The following ARB2A variants were observed in gnomAD, a reference collection of about 807,000 sequenced individuals.
The protein encoded by ARB2A is ARB2 cotranscriptional regulator A.
chr5:93,645,503 G>C, the ARB2A span, among the ~76,000 whole-genome samples: 2 of 151,794 alleles, frequency 1.3e-5, no homozygotes, highest in Non-Finnish European at 2.9e-5. Flanking sequence ...GAACCCAGGA[G>C]GTGGAGGTTG....
chr5:93,874,597 T>C, the ARB2A span, among the ~76,000 whole-genome samples: 4 of 152,146 alleles, frequency 2.6e-5, no homozygotes, highest in Admixed American at 2.6e-4. Flanking sequence ...TAAACATAAG[T>C]ATTTTCCTGA....
the ARB2A span, among the ~76,000 whole-genome samples, chr5:93,851,478 G>A: frequency 1.3e-5 from 2 of 152,090 alleles, no homozygotes; most frequent in African/African-American, 2.4e-5. Context: ...TATACTTTAA[G>A]TTTTAGGGTA....
At chr5:93,754,941 A>T in the ARB2A span, among the ~76,000 whole-genome samples, 4 of 152,224 alleles carry the variant, frequency 2.6e-5, no homozygotes, top group East Asian at 7.7e-4. Context: ...CAGAGAACAT[A>T]GGAAAGCCTA....
the ARB2A span, among the ~76,000 whole-genome samples, chr5:93,858,905 A>G: frequency 1.3e-5 from 2 of 152,220 alleles, no homozygotes; most frequent in Admixed American, 6.5e-5. Flanking sequence ...ACTTGTTGGT[A>G]GTGGCAGTAT....
the ARB2A span, among the ~76,000 whole-genome samples, chr5:93,937,772 A>C: frequency 8.5e-4 from 129 of 152,218 alleles, no homozygotes; most frequent in African/African-American, 3.1e-3. Context: ...GCCTTATATA[A>C]AATGGTGTAG....
At chr5:93,735,794 T>C in the ARB2A span, 1 of 152,058 alleles carries the variant, frequency 6.6e-6, no homozygotes, top group Non-Finnish European at 1.5e-5. Context: ...AGAAAAAGCA[T>C]ACATTTGTTA....
At chr5:93,620,979 C>T in the ARB2A span, 1 of 1,600,820 alleles carries the variant, frequency 6.2e-7, no homozygotes, top group Non-Finnish European at 8.5e-7. Flanking sequence ...CCGTCGCGCT[C>T]GCTCCTCTTA....
At chr5:93,796,638 C>T in the ARB2A span, among the ~76,000 whole-genome samples, 1 of 152,166 alleles carries the variant, frequency 6.6e-6, no homozygotes. Flanking sequence ...CTTCTGTTCC[C>T]TGCAAGTGAA....
At chr5:93,744,025 T>C in the ARB2A span, among the ~76,000 whole-genome samples, 1 of 152,266 alleles carries the variant, frequency 6.6e-6, no homozygotes, top group Non-Finnish European at 1.5e-5. Flanking sequence ...TTAAAAACAA[T>C]AGTTGAATGA....
chr5:93,934,573 A>G, the ARB2A span, among the ~76,000 whole-genome samples: 1 of 152,272 alleles, frequency 6.6e-6, no homozygotes, highest in South Asian at 2.1e-4. Context: ...AGATATGGGC[A>G]TGTGTGTGAT....
At chr5:94,057,441 G>C in the ARB2A span, among the ~76,000 whole-genome samples, 1 of 152,098 alleles carries the variant, frequency 6.6e-6, no homozygotes, top group Non-Finnish European at 1.5e-5. Flanking sequence ...TTTGCAAGGT[G>C]CAGAGTTCAG....
chr5:93,627,977 T>G, the ARB2A span, among the ~76,000 whole-genome samples: 2 of 151,798 alleles, frequency 1.3e-5, no homozygotes, highest in Admixed American at 1.3e-4. Context: ...CACTAACCTA[T>G]GCTGTAAACA....
the ARB2A span, among the ~76,000 whole-genome samples, chr5:94,080,647 C>T: frequency 6.6e-6 from 1 of 152,126 alleles, no homozygotes; most frequent in Non-Finnish European, 1.5e-5. Flanking sequence ...ACTGCTGACC[C>T]TCATTCAGTG....
chr5:93,840,786 C>G, the ARB2A span, among the ~76,000 whole-genome samples: 1 of 152,112 alleles, frequency 6.6e-6, no homozygotes, highest in African/African-American at 2.4e-5. Context: ...TTAATTTGAT[C>G]AAGGTCATAA....
chr5:93,827,325 T>A, the ARB2A span, among the ~76,000 whole-genome samples: 1 of 152,250 alleles, frequency 6.6e-6, no homozygotes, highest in Non-Finnish European at 1.5e-5. Flanking sequence ...GAGGTTTTGA[T>A]CTGCGTTTCT....
chr5:93,893,552 C>T, the ARB2A span, among the ~76,000 whole-genome samples: 1 of 152,136 alleles, frequency 6.6e-6, no homozygotes, highest in Non-Finnish European at 1.5e-5. Flanking sequence ...GAATGAATTT[C>T]ACATGCTATT....
At chr5:93,717,622 A>T in the ARB2A span, among the ~76,000 whole-genome samples, 1 of 152,098 alleles carries the variant, frequency 6.6e-6, no homozygotes, top group African/African-American at 2.4e-5. Context: ...TGGATTAATG[A>T]CAGCTGAAAA....
chr5:93,669,788 C>T, the ARB2A span, among the ~76,000 whole-genome samples: 1 of 152,136 alleles, frequency 6.6e-6, no homozygotes, highest in Non-Finnish European at 1.5e-5. Context: ...TTGTTAGACC[C>T]TTACATTCTA....
the ARB2A span, among the ~76,000 whole-genome samples, chr5:93,994,652 G>GA: frequency 2.0e-5 from 3 of 151,860 alleles, no homozygotes; most frequent in South Asian, 6.2e-4. Context: ...ATGACAATTT[G>GA]AAAAAACTTA....
Sources: allele counts gnomAD v4.1 joint callset (sites outside exome capture counted in the v4.1 genomes callset), GRCh38; gene constraint gnomAD v4.1.1; transcripts MANE v1.5; gene names NCBI Gene and HGNC (gene_info 2026-07-23, HGNC 2026-07-21).